Variants in CADM2 observed in about 807,000 individuals in gnomAD.
The protein encoded by CADM2 is cell adhesion molecule 2.
A neutral mutation model predicts 49.8 loss-of-function variants in CADM2; 12 were observed. The ratio of observed to expected loss-of-function variants is 0.24; its 90% CI spans 0.15 to 0.39. CADM2 has a LOEUF of 0.39. Among genes scored for constraint, CADM2 ranks in the 10% least tolerant of loss-of-function variants. The pLI is 1.00. For missense variants in CADM2, 378 were observed against 492.3 expected (o/e 0.77, Z 2.20); for synonymous variants, 214 against 175.4 (o/e 1.22, Z -1.74).
intron 1 of CADM2, among the ~76,000 whole-genome samples, chr3:85,477,401 T>A (rs1576625463): frequency 1.4e-5 from 2 of 143,586 alleles, no homozygotes; most frequent in South Asian, 4.4e-4. Context: ...GAAAAAAAAA[T>A]GTTAAAATTC....
chr3:85,313,229 G>T (rs952009773), intron 1 of CADM2, among the ~76,000 whole-genome samples: 2 of 152,152 alleles, frequency 1.3e-5, no homozygotes, highest in Non-Finnish European at 2.9e-5. Context: ...GAGAGTGAAC[G>T]CAATGGTTAC....
At position 85,047,482 on chromosome 3, in the gene CADM2, A is replaced by G. The variant is rs768869130; in HGVS notation, c.61+87814A>G. On this transcript the variant is annotated intron_variant, in intron 1 of 9. Coordinates refer to ENST00000383699, the MANE Select transcript of CADM2 (RefSeq NM_001167675.2). ...CATATAAATTTACATATTGTTTATTAAAAAATAGAAACAAAATTAAGGAGC... is the reference window on the plus strand; with the variant it reads ...CATATAAATTTACATATTGTTTATTGAAAAATAGAAACAAAATTAAGGAGC... 7.3e-4 allele frequency among the ~76,000 whole-genome samples: 111 copies of G among 152,230 alleles called. No homozygotes were observed. In the Middle Eastern group the frequency reaches 0.014, roughly 19 times the overall value.
At chr3:85,344,002 A>G (rs1022526362) in intron 1 of CADM2, among the ~76,000 whole-genome samples, 6 of 152,214 alleles carry the variant, frequency 3.9e-5, no homozygotes, top group Non-Finnish European at 8.8e-5. Context: ...AAAAATCTAA[A>G]GAGACAAGTC....
rs886991618 is a variant in CADM2, at chr3:85,912,422, C to G, written c.579C>G (p.Val193=). The G allele has an allele frequency of 6.2e-7, 1 of 1,613,886 alleles. No homozygotes were observed. Among genetic ancestry groups the G allele is most frequent in the Non-Finnish European group, 8.5e-7 (1 of 1,179,906 alleles). ...EEDANRKTFT[V]SSTLDFRVDR... ...ATGCAAATCGCAAGACATTCACTGT[C>G]AGCAGCACACTGGACTTCCGAGTGG... Residue 193 remains valine, a synonymous_variant, in exon 6 of 10, where the codon GTC becomes GTG. Coordinates refer to ENST00000383699, the MANE Select transcript of CADM2 (RefSeq NM_001167675.2).
chr3:85,905,695 A>C (rs73132605), intron 5 of CADM2, among the ~76,000 whole-genome samples: 10,396 of 152,158 alleles, frequency 0.068, 664 homozygotes, highest in African/African-American at 0.16. Flanking sequence ...AACAAAGTTA[A>C]AAATTTAATC....
intron 8 of CADM2, among the ~76,000 whole-genome samples, chr3:85,970,085 G>T (rs1725935751): frequency 6.8e-6 from 1 of 146,476 alleles, no homozygotes; most frequent in South Asian, 2.2e-4. Context: ...ATAACCTTTA[G>T]TTTTTATCCC....
chr3:85,305,806 T>C (rs1001119836), intron 1 of CADM2, among the ~76,000 whole-genome samples: 3 of 151,710 alleles, frequency 2.0e-5, no homozygotes, highest in Admixed American at 6.6e-5. Flanking sequence ...TTACTTACTT[T>C]AATTCATCCC....
chr3:85,856,720 C>T (rs2075331570), intron 3 of CADM2, among the ~76,000 whole-genome samples: 1 of 152,006 alleles, frequency 6.6e-6, no homozygotes, highest in African/African-American at 2.4e-5. Flanking sequence ...ACTCTTGGTA[C>T]CATTTTCTGA....
chr3:85,105,115 G>A (rs1053992435), intron 1 of CADM2, among the ~76,000 whole-genome samples: 1 of 152,060 alleles, frequency 6.6e-6, no homozygotes, highest in Non-Finnish European at 1.5e-5. Context: ...ATGTTGAATA[G>A]GAGTGGTGAG....
intron 2 of CADM2, among the ~76,000 whole-genome samples, chr3:85,787,388 C>T (rs1209238418): frequency 6.6e-6 from 1 of 151,994 alleles, no homozygotes; most frequent in Non-Finnish European, 1.5e-5. Context: ...CAATGAGGTA[C>T]TTGATTGTAA....
intron 1 of CADM2, among the ~76,000 whole-genome samples, chr3:85,262,957 A>T (rs2043044554): frequency 6.8e-6 from 1 of 146,450 alleles, no homozygotes; most frequent in Non-Finnish European, 1.5e-5. Context: ...AAATATGATG[A>T]TTATTACTCT....
At chr3:86,045,914 T>C (rs1736622566) in intron 8 of CADM2, among the ~76,000 whole-genome samples, 1 of 152,150 alleles carries the variant, frequency 6.6e-6, no homozygotes, top group South Asian at 2.1e-4. Flanking sequence ...TTGTCCTCTT[T>C]CACAACTTGA....
chr3:85,632,087 T>G (rs1340721320), intron 1 of CADM2, among the ~76,000 whole-genome samples: 2 of 152,144 alleles, frequency 1.3e-5, no homozygotes, highest in African/African-American at 4.8e-5. Context: ...GCTCCCATGA[T>G]TCTCATGTGT....
rs533722668 is a variant in CADM2 at position 85,106,212 on chromosome 3, G to C, written c.61+146544G>C. Among the ~76,000 whole-genome samples, 6 of 152,252 alleles carry C rather than the reference G, an allele frequency of 3.9e-5. No homozygotes were observed. The South Asian group carries it at 1.2e-3, about 32-fold the overall frequency. ...GGAATGGAGAGCAGAGGTAAAGTGA[G>C]GGAACATTATGAAGGTTGCATTGAT... On this transcript the variant is annotated intron_variant, in intron 1 of 9. Coordinates refer to ENST00000383699, the MANE Select transcript of CADM2 (RefSeq NM_001167675.2).
chr3:85,980,959 G>A (rs1472995289), intron 8 of CADM2, among the ~76,000 whole-genome samples: 1 of 151,156 alleles, frequency 6.6e-6, no homozygotes, highest in Non-Finnish European at 1.5e-5. Flanking sequence ...GTTATGCCAG[G>A]ACCTAAAATT....
At chr3:85,459,607 A>C (rs1437118795) in intron 1 of CADM2, among the ~76,000 whole-genome samples, 2 of 152,204 alleles carry the variant, frequency 1.3e-5, no homozygotes, top group African/African-American at 4.8e-5. Flanking sequence ...TATATTTAAG[A>C]CTATTAGATT....
chr3:85,841,006 A>G (rs1036784623), intron 3 of CADM2, among the ~76,000 whole-genome samples: 3 of 151,822 alleles, frequency 2.0e-5, no homozygotes, highest in Non-Finnish European at 2.9e-5. Context: ...ATAGTATTCA[A>G]TATTATAACT....
chr3:85,027,776 G>T (rs1423475061), intron 1 of CADM2, among the ~76,000 whole-genome samples: 1 of 152,034 alleles, frequency 6.6e-6, no homozygotes, highest in Admixed American at 6.6e-5. Flanking sequence ...GTATATTATA[G>T]ATATAATAAC....
chr3:85,033,242 G>T (rs1000414703), intron 1 of CADM2, among the ~76,000 whole-genome samples: 2 of 151,988 alleles, frequency 1.3e-5, no homozygotes, highest in Non-Finnish European at 2.9e-5. Context: ...TTAAAAATTG[G>T]GTTTATTCCC....
Sources: allele counts gnomAD v4.1 joint callset (sites outside exome capture counted in the v4.1 genomes callset), GRCh38; gene constraint gnomAD v4.1.1; transcripts MANE v1.5; gene names NCBI Gene and HGNC (gene_info 2026-07-23, HGNC 2026-07-21).